The following CCDC7 variants were observed in gnomAD, a reference collection of about 807,000 sequenced individuals.
The protein encoded by CCDC7 is coiled-coil domain-containing protein 7.
In CCDC7, 183 loss-of-function variants were observed where a neutral mutation model predicts 196.9. The observed-to-expected ratio is 0.93, with a 90% confidence interval of 0.82 to 1.05. CCDC7 has a LOEUF of 1.05. Ranked by LOEUF, CCDC7 falls within the 50% of genes least tolerant of loss-of-function variation. CCDC7 has a pLI of 0.00. For synonymous variants in CCDC7, 525 were observed against 484.6 expected (o/e 1.08, Z -1.10); for missense variants, 1,540 against 1,482.2 (o/e 1.04, Z -0.64).
At chr10:32,553,856 A>G (rs1589808840) in intron 13 of CCDC7, among the ~76,000 whole-genome samples, 1 of 152,274 alleles carries the variant, frequency 6.6e-6, no homozygotes, top group African/African-American at 2.4e-5. Flanking sequence ...ATGGAGAGGA[A>G]GAGGCGGTGG....
At chr10:32,544,220 T>C (rs1393982025) in intron 12 of CCDC7, 27 bp from the exon 14 acceptor site, 6 of 1,574,726 alleles carry the variant, frequency 3.8e-6, no homozygotes, top group Non-Finnish European at 4.3e-6. Context: ...AATATCATGA[T>C]GCATTTTAAA....
intron 32 of CCDC7, among the ~76,000 whole-genome samples, chr10:32,831,869 A>T (rs886859034): frequency 6.6e-6 from 1 of 152,216 alleles, no homozygotes; most frequent in Non-Finnish European, 1.5e-5. Flanking sequence ...AAATAAAAAT[A>T]AAAATGTATA....
At chr10:32,698,356 C>T (rs866850912) in intron 24 of CCDC7, among the ~76,000 whole-genome samples, 6 of 152,072 alleles carry the variant, frequency 3.9e-5, no homozygotes, top group Admixed American at 1.3e-4. Context: ...ATGACTTTGA[C>T]GAGTTGAGAG....
chr10:32,807,627 C>T (rs1483459655), intron 30 of CCDC7, among the ~76,000 whole-genome samples: 1 of 151,982 alleles, frequency 6.6e-6, no homozygotes, highest in Non-Finnish European at 1.5e-5. Context: ...GAGAGGCTCC[C>T]CAGTGTGGGA....
At chr10:32,524,488 A>G (rs2048364416) in intron 11 of CCDC7, among the ~76,000 whole-genome samples, 1 of 152,156 alleles carries the variant, frequency 6.6e-6, no homozygotes, top group African/African-American at 2.4e-5. Flanking sequence ...GTACCTTCAG[A>G]TGATTTCTCA....
intron 25 of CCDC7, chr10:32,725,327 A>G (rs2142248785): frequency 2.1e-6 from 1 of 470,902 alleles, no homozygotes; most frequent in South Asian, 1.5e-5. Flanking sequence ...AACCTACTAA[A>G]AGAATTTCAT....
At chr10:32,814,748 C>T (rs747438576) in intron 31 of CCDC7, among the ~76,000 whole-genome samples, 3 of 152,172 alleles carry the variant, frequency 2.0e-5, no homozygotes, top group Non-Finnish European at 4.4e-5. Context: ...AAGTTTGTAA[C>T]ATCTCAGCTG....
At chr10:32,524,071 CTTT>C (rs35310138) in intron 11 of CCDC7, among the ~76,000 whole-genome samples, 2 of 136,782 alleles carry the variant, frequency 1.5e-5, no homozygotes, top group Admixed American at 7.2e-5. Flanking sequence ...TTCCTTCTGT[CTTT>C]TTTTTTTTTT....
chr10:32,696,824 G>A (rs1218046081), intron 24 of CCDC7, among the ~76,000 whole-genome samples: 1 of 151,954 alleles, frequency 6.6e-6, no homozygotes, highest in Non-Finnish European at 1.5e-5. Flanking sequence ...CTTTTTTGTA[G>A]CAGTTGCTTC....
intron 25 of CCDC7, among the ~76,000 whole-genome samples, chr10:32,720,075 A>G (rs1473478580): frequency 1.3e-5 from 2 of 152,186 alleles, no homozygotes; most frequent in South Asian, 2.1e-4. Context: ...TTATTATACT[A>G]TAAAGACACA....
intron 40 of CCDC7, 67 bp from the exon 42 acceptor site, chr10:32,854,333 A>C (rs552607296): frequency 2.3e-5 from 22 of 945,916 alleles, no homozygotes; most frequent in Non-Finnish European, 3.5e-5. Flanking sequence ...GATTTATTTT[A>C]ACATTTTAAA....
Position 32,591,863 on chromosome 10 carries a change from A to G in CCDC7, c.1801+7559A>G, listed in dbSNP as rs2059812317. On this transcript the variant is annotated intron_variant, in intron 18 of 41. Transcript: ENST00000639629. Reference sequence around the variant, plus strand: ...GTCCAGAAATGCCATCTAAGAGCAAAGGTCTGGAATTGGAGACCTCAAGAA... The same window carrying G: ...GTCCAGAAATGCCATCTAAGAGCAAGGGTCTGGAATTGGAGACCTCAAGAA... 2.0e-5 allele frequency among the ~76,000 whole-genome samples: 3 copies of G among 152,198 alleles called. No homozygotes were observed. In the South Asian group the frequency reaches 6.2e-4, roughly 31 times the overall value.
At chr10:32,713,050 C>T (rs11009050) in intron 25 of CCDC7, among the ~76,000 whole-genome samples, 17,276 of 152,192 alleles carry the variant, frequency 0.11, 1,171 homozygotes, top group South Asian at 0.27. Context: ...ACATATCCCA[C>T]GAAATACCTG....
intron 23 of CCDC7, among the ~76,000 whole-genome samples, chr10:32,689,489 C>A (rs556023350): frequency 6.6e-6 from 1 of 151,418 alleles, no homozygotes; most frequent in Non-Finnish European, 1.5e-5. Context: ...TGGCCTTCTT[C>A]CATAGGCACC....
chr10:32,754,937 A>G (rs1158177663), intron 28 of CCDC7, among the ~76,000 whole-genome samples: 2 of 152,108 alleles, frequency 1.3e-5, no homozygotes, highest in East Asian at 3.9e-4. Context: ...CGCTTTTCCA[A>G]TGGTCTTAGC....
chr10:32,644,409 A>G (rs540147213), intron 20 of CCDC7, among the ~76,000 whole-genome samples: 1 of 152,250 alleles, frequency 6.6e-6, no homozygotes, highest in African/African-American at 2.4e-5. Flanking sequence ...CATAAAATCA[A>G]CTTTTTTAGA....
At chr10:32,802,662 C>A (rs555893897) in intron 29 of CCDC7, among the ~76,000 whole-genome samples, 1 of 152,236 alleles carries the variant, frequency 6.6e-6, no homozygotes, top group South Asian at 2.1e-4. Flanking sequence ...AGCTGAGGAG[C>A]AAGGAATCCA....
At chr10:32,602,044 C>T (rs929886480) in intron 18 of CCDC7, among the ~76,000 whole-genome samples, 2 of 152,118 alleles carry the variant, frequency 1.3e-5, no homozygotes, top group African/African-American at 2.4e-5. Flanking sequence ...TTTTTTTGCT[C>T]TTCACAATAA....
intron 21 of CCDC7, among the ~76,000 whole-genome samples, chr10:32,678,749 A>T (rs371464434): frequency 6.6e-6 from 1 of 152,184 alleles, no homozygotes. Flanking sequence ...CTCTCTTGGC[A>T]CTGTGCTGTG....
Sources: allele counts gnomAD v4.1 joint callset (sites outside exome capture counted in the v4.1 genomes callset), GRCh38; gene constraint gnomAD v4.1.1; transcripts MANE v1.5; gene names NCBI Gene and HGNC (gene_info 2026-07-23, HGNC 2026-07-21).